WDFY4: variants seen among roughly 807,000 people sequenced by gnomAD.
The protein encoded by WDFY4 is WD repeat- and FYVE domain-containing protein 4.
A neutral mutation model predicts 351.9 loss-of-function variants in WDFY4; 169 were observed. The ratio of observed to expected loss-of-function variants is 0.48; its 90% CI spans 0.42 to 0.55. The LOEUF (loss-of-function observed/expected upper bound fraction) is 0.55, where lower values mean the gene tolerates loss of function less well. Ranked by LOEUF, WDFY4 falls within the 20% of genes least tolerant of loss-of-function variation. The pLI is 0.00. For missense variants in WDFY4, 3,803 were observed against 3,935.6 expected (o/e 0.97, Z 0.90); for synonymous variants, 1,622 against 1,574.6 (o/e 1.03, Z -0.71).
intron 39 of WDFY4, among the ~76,000 whole-genome samples, chr10:48,840,473 C>A (rs12774787): frequency 0.014 from 2,079 of 151,048 alleles, 14 homozygotes; most frequent in Non-Finnish European, 0.017. Flanking sequence ...ACACACACAC[C>A]CCCACTCTCT....
intron 38 of WDFY4, among the ~76,000 whole-genome samples, chr10:48,831,339 C>T (rs917660017): frequency 6.6e-6 from 1 of 152,198 alleles, no homozygotes; most frequent in Non-Finnish European, 1.5e-5. Flanking sequence ...TGTTAGTGAC[C>T]TCAACATTTT....
intron 51 of WDFY4, among the ~76,000 whole-genome samples, chr10:48,947,856 C>T (rs866964104): frequency 6.6e-6 from 1 of 152,192 alleles, no homozygotes; most frequent in Admixed American, 6.5e-5. Context: ...CTGATCCAGA[C>T]CCTGCAATGG....
intron 46 of WDFY4, 93 bp from the exon 47 acceptor site, chr10:48,901,708 G>C: frequency 7.3e-7 from 1 of 1,375,392 alleles, no homozygotes; most frequent in South Asian, 1.3e-5. Context: ...GCAATAATGA[G>C]CCTAGCTTCC....
At chr10:48,775,106 G>A (rs990279383) in intron 14 of WDFY4, among the ~76,000 whole-genome samples, 1 of 152,226 alleles carries the variant, frequency 6.6e-6, no homozygotes, top group Non-Finnish European at 1.5e-5. Context: ...CCTCCAGGGG[G>A]CTTTCCTGCT....
intron 39 of WDFY4, among the ~76,000 whole-genome samples, chr10:48,860,818 T>C (rs762426139): frequency 3.9e-5 from 6 of 152,210 alleles, no homozygotes; most frequent in Admixed American, 3.3e-4. Context: ...TCCTAAGAGT[T>C]TGAGGATTTC....
At chr10:48,963,576 G>T (rs1272576633) in intron 53 of WDFY4, among the ~76,000 whole-genome samples, 1 of 152,174 alleles carries the variant, frequency 6.6e-6, no homozygotes, top group Non-Finnish European at 1.5e-5. Context: ...AGATACTGTG[G>T]ACACCATGGT....
intron 20 of WDFY4, among the ~76,000 whole-genome samples, chr10:48,787,503 G>A (rs11816771): frequency 0.05 from 7,608 of 152,278 alleles, 241 homozygotes; most frequent in Middle Eastern, 0.082. Context: ...TATATTCATG[G>A]CACCTTTCTC....
In WDFY4 at chr10:48,946,966, G is replaced by A; in HGVS notation, c.7974G>A (p.Leu2658=). ...MPPFTQAFCA[L]QGGSFDVADR... is the part of the protein sequence containing the mutation. ...CCTTCACCCAGGCCTTCTGCGCTCT[G>A]CAGGTGAGCTGCTGCCACTCTCTGT... The change falls in exon 51 of 62, where the codon CTG becomes CTA. Residue 2658 remains leucine (L), a synonymous_variant. Coordinates refer to ENST00000325239, the MANE Select transcript of WDFY4 (RefSeq NM_001394531.1). The A allele has an allele frequency of 1.3e-6, 2 of 1,547,582 alleles. No individual in the cohort carries two copies. The highest frequency in any genetic ancestry group is 1.7e-6 in the Non-Finnish European group (2 of 1,145,404).
chr10:48,913,982 G>A (rs1314003171), intron 47 of WDFY4: 1 of 1,614,176 alleles, frequency 6.2e-7, no homozygotes, highest in Admixed American at 1.7e-5. Flanking sequence ...TAAGATTCCG[G>A]CTAAGGTCCA....
intron 25 of WDFY4, 53 bp downstream of exon 25, chr10:48,803,412 A>G (rs1459512373): frequency 1.3e-6 from 2 of 1,533,266 alleles, no homozygotes; most frequent in Non-Finnish European, 8.8e-7. Context: ...GAATGTCCAG[A>G]ACAGAGACAG....
chr10:48,977,217 C>G (rs556192322), intron 59 of WDFY4: 20 of 330,358 alleles, frequency 6.1e-5, no homozygotes, highest in African/African-American at 3.8e-4. Context: ...CAGACACACA[C>G]TAAAATAAAT....
At chr10:48,687,776 G>A (rs1405502202) in intron 1 of WDFY4, among the ~76,000 whole-genome samples, 2 of 141,258 alleles carry the variant, frequency 1.4e-5, no homozygotes, top group Admixed American at 7.2e-5. Context: ...CACCACACCT[G>A]GCTAATTTTT....
At chr10:48,863,459 G>T (rs2133233704) in intron 39 of WDFY4, among the ~76,000 whole-genome samples, 1 of 152,266 alleles carries the variant, frequency 6.6e-6, no homozygotes, top group South Asian at 2.1e-4. Flanking sequence ...ATGACACTAA[G>T]CACCTTTTCA....
rs2065467550 is a variant in WDFY4 at position 48,760,422 on chromosome 10, C to T, written c.2535C>T (p.Tyr845=). The T allele has an allele frequency of 1.3e-6, 2 of 1,551,636 alleles. No homozygotes were observed. Among genetic ancestry groups the T allele is most frequent in the Non-Finnish European group, 1.7e-6 (2 of 1,146,980 alleles). ...TGGTGAGGCTGCTGCCTCGGTTGTA[C>T]CATGAAGATCACCCACAGGTACCTG... ...CIMVRLLPRL[Y]HEDHPQLSEE... Residue 845 remains tyrosine, a synonymous_variant, in exon 13 of 62, where the codon TAC becomes TAT. Transcript: ENST00000325239.
chr10:48,982,562 C>A lies in WDFY4; in HGVS notation c.9542C>A (p.Ser3181Tyr). 1.3e-6 allele frequency: 2 copies of A among 1,548,104 alleles called. No homozygotes were observed. The highest frequency in any genetic ancestry group is 1.2e-5 in the South Asian group (1 of 83,820). Residue 3181 changes from serine to tyrosine, a missense_variant, in exon 62 of 62, where the codon TCT becomes TAT. Physicochemically the swap from Ser to Tyr is moderately radical, Grantham distance 144. This residue lies in a region of WDFY4 where 3,054 missense variants were observed against 3,148.6 expected (regional missense o/e 0.97). Transcript: ENST00000325239. ...GAGAGGGGGAGAATATTCTGCTGGT[C>A]TGCAGATGGGTAGGAAGAGAGAGGC... ...GDERGRIFCW[S>Y]ADG
At chr10:48,977,387 A>T (rs1204506271) in intron 59 of WDFY4, among the ~76,000 whole-genome samples, 1 of 151,936 alleles carries the variant, frequency 6.6e-6, no homozygotes, top group Admixed American at 6.6e-5. Context: ...CTACCCACCC[A>T]TCCATCCACC....
chr10:48,831,469 T>C (rs542643070), intron 38 of WDFY4, among the ~76,000 whole-genome samples: 10 of 152,330 alleles, frequency 6.6e-5, no homozygotes, highest in Admixed American at 2.6e-4. Flanking sequence ...ACACCTCCTA[T>C]ACTTGTACAT....
At position 48,723,317 on chromosome 10, in the gene WDFY4, C is replaced by T. The variant is rs551927541; in HGVS notation, c.457-116C>T. On this transcript the variant is annotated intron_variant, in intron 4 of 61. Coordinates refer to ENST00000325239, the MANE Select transcript of WDFY4 (RefSeq NM_001394531.1). ...GCATTTCACACTTGAGGACTGGAGC[C>T]CAGAGGGACTGTCCCATGGCCTCAC... 4.9e-5 allele frequency: 65 copies of T among 1,315,260 alleles called. No individual in the cohort carries two copies. In the South Asian group the frequency reaches 7.7e-4, roughly 16 times the overall value. 81.5% of individuals were successfully genotyped at this position (1,315,260 alleles called of 1,614,324 possible).
At position 48,776,943 on chromosome 10, in the gene WDFY4, C is replaced by G. The variant is rs773606931; in HGVS notation, c.3057C>G (p.Ala1019=). ...TGCAGCCTCAGAGGGCAGCCCTGGC[C>G]CCATCGTTTGTGGAATTTGACATGT... is the stretch of plus-strand genomic sequence containing the variant. ...RNLQPQRAAL[A]PSFVEFDMSV... is the part of the protein sequence containing the mutation. The change falls in exon 16 of 62, where the codon GCC becomes GCG. Residue 1019 remains alanine (A), a synonymous_variant. Transcript: ENST00000325239. 4 of 1,552,350 alleles carry G rather than the reference C, an allele frequency of 2.6e-6. No homozygotes were observed. The South Asian group carries it at 4.8e-5, about 18-fold the overall frequency.
Sources: gnomAD v4.1 joint callset for allele counts (sites outside exome capture counted in the v4.1 genomes callset) on GRCh38, gnomAD v4.1.1 for gene constraint, gnomAD v4.1.1 regional missense constraint, MANE v1.5 for transcripts, NCBI Gene and HGNC (gene_info 2026-07-23, HGNC 2026-07-21) for gene names.